The following ASZ1 variants were observed in gnomAD, a reference collection of about 807,000 sequenced individuals.
ASZ1 encodes the protein ankyrin repeat, SAM and basic leucine zipper domain-containing protein 1.
ASZ1 carries 67 observed loss-of-function variants against 61.8 expected under a neutral mutation model. The observed-to-expected ratio is 1.08, with a 90% CI of 0.89 to 1.33. The LOEUF (loss-of-function observed/expected upper bound fraction) is 1.33, where lower values mean the gene tolerates loss of function less well. ASZ1 is among the 40% of genes most tolerant of loss of function. The probability of loss-of-function intolerance (pLI) is 0.00; values close to 1 mark genes in which losing one functional copy is unlikely to be tolerated. For synonymous variants in ASZ1, 193 were observed against 192.7 expected (o/e 1.00, Z -0.01); for missense variants, 577 against 554.5 (o/e 1.04, Z -0.41).
At position 117,427,388 on chromosome 7, in the gene ASZ1, A is replaced by G; in HGVS notation, c.73T>C (p.Trp25Arg). The G allele has an allele frequency of 1.2e-6, 2 of 1,614,234 alleles. No individual in the cohort carries two copies. The highest frequency in any genetic ancestry group is 1.1e-5 in the South Asian group (1 of 91,088). Residue 25 changes from tryptophan (W) to arginine (R), a missense_variant, in exon 1 of 13, where the codon TGG (tryptophan) becomes CGG (arginine). Coordinates refer to ENST00000284629, the MANE Select transcript of ASZ1 (RefSeq NM_130768.3). ...GTCCGGTCGAGATACCCAATCTCCC[A>G]GCCATCATCCTCGCTCTCGCTACTC... is the stretch of plus-strand genomic sequence containing the variant. ...GESSESEDDG[W>R]EIGYLDRTSQ...
chr7:117,398,119 T>C (rs1796610291), intron 4 of ASZ1, among the ~76,000 whole-genome samples: 1 of 152,242 alleles, frequency 6.6e-6, no homozygotes, highest in South Asian at 2.1e-4. Context: ...AGTTCAGTAT[T>C]ATCTGATCTT....
chr7:117,367,187 A>G (rs756655644), intron 12 of ASZ1, among the ~76,000 whole-genome samples, 165 bp downstream of exon 12: 3 of 152,184 alleles, frequency 2.0e-5, no homozygotes, highest in African/African-American at 4.8e-5. Context: ...AATGGCCAAC[A>G]AAGTCTGTTT....
chr7:117,379,178 C>CAA (rs1796204242), intron 10 of ASZ1, among the ~76,000 whole-genome samples: 1 of 139,026 alleles, frequency 7.2e-6, no homozygotes, highest in Admixed American at 7.1e-5. Flanking sequence ...TACACACACA[C>CAA]ACACACACAC....
chr7:117,369,434 A>AT (rs574816322), intron 10 of ASZ1, among the ~76,000 whole-genome samples: 24 of 152,304 alleles, frequency 1.6e-4, no homozygotes, highest in South Asian at 1.5e-3. Flanking sequence ...TTACTAAGAG[A>AT]TTTTCAACAG....
At chr7:117,423,687 T>TAAA (rs1413276323) in intron 2 of ASZ1, among the ~76,000 whole-genome samples, 1 of 37,234 alleles carries the variant, frequency 2.7e-5, no homozygotes, top group African/African-American at 8.1e-5. Context: ...CTACTAAAAA[T>TAAA]ACAAAAAAAA....
chr7:117,395,529 C>A (rs919766134), intron 4 of ASZ1, among the ~76,000 whole-genome samples: 9 of 152,048 alleles, frequency 5.9e-5, no homozygotes, highest in Admixed American at 2.6e-4. Flanking sequence ...CGTGTATATT[C>A]AATCTTCTTT....
At chr7:117,413,304 A>C (rs1796930574) in intron 4 of ASZ1, among the ~76,000 whole-genome samples, 1 of 152,004 alleles carries the variant, frequency 6.6e-6, no homozygotes, top group Non-Finnish European at 1.5e-5. Context: ...GCACTTAAAT[A>C]CTTGAGCACC....
In ASZ1 at chr7:117,382,998, T is replaced by A; in HGVS notation, c.800A>T (p.Asp267Val). The A allele has an allele frequency of 1.9e-6, 3 of 1,572,044 alleles. No individual in the cohort carries two copies. Among genetic ancestry groups the A allele is most frequent in the Non-Finnish European group, 2.6e-6 (3 of 1,163,042 alleles). Residue 267 changes from aspartate to valine, a missense_variant, in exon 7 of 13, where the codon GAT (aspartate) becomes GTT (valine). Physicochemically the swap from Asp to Val is radical, Grantham distance 152. Coordinates refer to ENST00000284629, the MANE Select transcript of ASZ1 (RefSeq NM_130768.3). ...CATGCTATATTACCTAAAAATGTGA[T>A]CTTTTTCTCTATCAGAATCTGTTGT... is the stretch of plus-strand genomic sequence containing the variant. ...ILTTDSDREK[D>V]HIFSSYTAFG...
intron 4 of ASZ1, among the ~76,000 whole-genome samples, chr7:117,394,441 C>G (rs1038013358): frequency 6.6e-6 from 1 of 152,090 alleles, no homozygotes; most frequent in African/African-American, 2.4e-5. Context: ...CTGTAGTTAA[C>G]TTTTAGGATT....
intron 4 of ASZ1, among the ~76,000 whole-genome samples, chr7:117,392,384 TGTA>T (rs1170849154): frequency 6.6e-6 from 1 of 152,208 alleles, no homozygotes; most frequent in South Asian, 2.1e-4. Flanking sequence ...TCAGTTCTCC[TGTA>T]GAGATCTTTT....
intron 4 of ASZ1, among the ~76,000 whole-genome samples, chr7:117,393,814 G>C (rs1796523881): frequency 6.6e-6 from 1 of 152,082 alleles, no homozygotes; most frequent in Non-Finnish European, 1.5e-5. Context: ...CTTGGACATA[G>C]AATCACCTTG....
At chr7:117,406,924 A>G (rs1052211570) in intron 4 of ASZ1, among the ~76,000 whole-genome samples, 1 of 152,182 alleles carries the variant, frequency 6.6e-6, no homozygotes, top group Non-Finnish European at 1.5e-5. Flanking sequence ...GTATGTTATA[A>G]TCTCTAGGGT....
chr7:117,420,482 T>G (rs1459257660), intron 3 of ASZ1, among the ~76,000 whole-genome samples: 1 of 152,214 alleles, frequency 6.6e-6, no homozygotes, highest in African/African-American at 2.4e-5. Context: ...TATCTATAAT[T>G]CATTTAACTT....
intron 4 of ASZ1, among the ~76,000 whole-genome samples, chr7:117,391,355 G>C (rs1796464083): frequency 6.6e-6 from 1 of 152,020 alleles, no homozygotes; most frequent in Non-Finnish European, 1.5e-5. Context: ...TTGCTTTTGA[G>C]AACTTAGTCA....
chr7:117,419,600 A>G (rs10264450), intron 4 of ASZ1, among the ~76,000 whole-genome samples: 38,747 of 152,108 alleles, frequency 0.25, 5,165 homozygotes, highest in Non-Finnish European at 0.28. Context: ...TCAGAAAGGA[A>G]GCCAATGTGA....
chr7:117,364,120 C>T (rs1332506658), intron 12 of ASZ1, among the ~76,000 whole-genome samples: 1 of 152,040 alleles, frequency 6.6e-6, no homozygotes, highest in African/African-American at 2.4e-5. Flanking sequence ...TAACGTCTTA[C>T]AAAAAAGTGA....
chr7:117,400,469 A>G (rs1383776845), intron 4 of ASZ1, among the ~76,000 whole-genome samples: 2 of 152,226 alleles, frequency 1.3e-5, no homozygotes, highest in African/African-American at 4.8e-5. Context: ...ACATTTGCCA[A>G]TTAGCATTGG....
Position 117,422,367 on chromosome 7 carries a change from T to C in ASZ1, c.206-8A>G, listed in dbSNP as rs1219103140. On this transcript the variant is annotated splice_region_variant and splice_polypyrimidine_tract_variant and intron_variant, in intron 2 of 12. Transcript: ENST00000284629. ...TGGAATCTACACTAATGCCTGTCAA[T>C]ATAAAAACAAGCTTTTAAAAGCACA... is the stretch of plus-strand genomic sequence containing the variant. 1 of 1,607,630 alleles carries C rather than the reference T, an allele frequency of 6.2e-7. No homozygotes were observed. Among genetic ancestry groups the C allele is most frequent in the Admixed American group, 1.7e-5 (1 of 58,258 alleles).
chr7:117,366,845 C>T (rs535634157), intron 12 of ASZ1, among the ~76,000 whole-genome samples: 4 of 152,074 alleles, frequency 2.6e-5, no homozygotes, highest in African/African-American at 7.2e-5. Context: ...TAAGTAATAA[C>T]GTACAAATAT....
Sources: gnomAD v4.1 joint callset for allele counts (sites outside exome capture counted in the v4.1 genomes callset) on GRCh38, gnomAD v4.1.1 for gene constraint, MANE v1.5 for transcripts, NCBI Gene and HGNC (gene_info 2026-07-23, HGNC 2026-07-21) for gene names.